The following USP49 variants were observed in gnomAD, a reference collection of about 807,000 sequenced individuals.
USP49 encodes the protein ubiquitin carboxyl-terminal hydrolase 49.
In USP49, 24 loss-of-function variants were observed where a neutral mutation model predicts 58.6. That is an observed-to-expected ratio of 0.41 (90% CI 0.30 to 0.58). USP49 has a LOEUF of 0.58. USP49 is among the 20% of genes least tolerant of loss of function. The pLI is 0.30. For missense variants in USP49, 703 were observed against 866.1 expected (o/e 0.81, Z 2.36); for synonymous variants, 408 against 365.1 (o/e 1.12, Z -1.34).
intron 3 of USP49, among the ~76,000 whole-genome samples, chr6:41,863,087 AAT>A (rs1336232437): frequency 6.6e-6 from 1 of 152,026 alleles, no homozygotes; most frequent in Admixed American, 6.6e-5. Flanking sequence ...TCTCACACTT[AAT>A]ATTTAAATAT....
intron 2 of USP49, among the ~76,000 whole-genome samples, chr6:41,889,303 G>T (rs1288751329): frequency 1.3e-5 from 2 of 152,128 alleles, no homozygotes; most frequent in Non-Finnish European, 2.9e-5. Context: ...AATGTGCTAG[G>T]ATTACAGGTA....
At chr6:41,856,587 T>G (rs1429110750) in intron 3 of USP49, among the ~76,000 whole-genome samples, 1 of 152,070 alleles carries the variant, frequency 6.6e-6, no homozygotes, top group Non-Finnish European at 1.5e-5. Context: ...CTCAGAGAAA[T>G]CACAGAGGCA....
chr6:41,791,356 C>T lies in USP49; in HGVS notation c.*5177G>A, dbSNP rs2127312281. The T allele has an allele frequency of 6.6e-6, 1 of 152,322 alleles. No homozygotes were observed. The highest frequency in any genetic ancestry group is 1.9e-4 in the East Asian group (1 of 5,184). The allele number at this position is 152,322 out of a possible 1,614,324, so 9.4% of individuals were successfully genotyped here. A position where few individuals can be genotyped will look rare whatever the true frequency, so the allele number is the denominator to read the frequency against. On this transcript the variant is annotated 3_prime_UTR_variant, in exon 8 of 8. Coordinates refer to ENST00000682992, the MANE Select transcript of USP49 (RefSeq NM_001286554.2). The stretch of plus-strand genomic sequence containing the variant: ...GAGCTCCTGGCCTCAAGCAATCCTC[C>T]CACCTTGGCCTCCCAAAGTGTTGGG...
At chr6:41,799,721 GA>G in intron 6 of USP49, 108 bp downstream of exon 6, 1 of 944,908 alleles carries the variant, frequency 1.1e-6, no homozygotes, top group Non-Finnish European at 1.7e-6. Flanking sequence ...GGTCTCAAGT[GA>G]ACAGGCTTCC....
At chr6:41,891,136 T>C (rs1170996455) in intron 2 of USP49, among the ~76,000 whole-genome samples, 1 of 152,196 alleles carries the variant, frequency 6.6e-6, no homozygotes, top group Non-Finnish European at 1.5e-5. Flanking sequence ...CAAACAAGAC[T>C]TGTTAAGTGT....
chr6:41,887,323 A>C (rs1396138137), intron 2 of USP49: 6 of 152,238 alleles, frequency 3.9e-5, no homozygotes, highest in Non-Finnish European at 7.3e-5. Flanking sequence ...CCAGCAAAAG[A>C]AGCACTGCTG....
chr6:41,863,310 T>A (rs1216606528), intron 3 of USP49, among the ~76,000 whole-genome samples: 1 of 152,164 alleles, frequency 6.6e-6, no homozygotes, highest in African/African-American at 2.4e-5. Context: ...CATTTAAGAG[T>A]ATGAATTCAA....
intron 3 of USP49, among the ~76,000 whole-genome samples, chr6:41,826,209 G>A (rs1264598037): frequency 6.6e-6 from 1 of 152,178 alleles, no homozygotes; most frequent in African/African-American, 2.4e-5. Context: ...AGAGGCTGCA[G>A]TGAGCTGAGA....
intron 3 of USP49, among the ~76,000 whole-genome samples, chr6:41,833,425 C>A (rs1037553066): frequency 1.3e-5 from 2 of 152,110 alleles, no homozygotes; most frequent in South Asian, 2.1e-4. Flanking sequence ...TCAAATATTT[C>A]TTTTATTCTT....
Position 41,806,288 on chromosome 6 carries a change from T to TGAGGTAGGGAGGGCGGCGGGGCGC in USP49, c.672_695dup (p.Pro226_Arg233dup), listed in dbSNP as rs1300727978. ...TGAGTGTGGCGGCGGGCACTCTGCG[T>TGAGGTAGGGAGGGCGGCGGGGCGC]GAGGTAGGGAGGGCGGCGGGGCGCG... On this transcript the variant is annotated inframe_insertion, in exon 4 of 8. Coordinates refer to ENST00000682992, the MANE Select transcript of USP49 (RefSeq NM_001286554.2). This position sits in a 1 kb window ranked among gnomAD's most constrained non-coding sequence, Gnocchi z 5.9. 12 of 1,599,998 alleles carry TGAGGTAGGGAGGGCGGCGGGGCGC rather than the reference T, an allele frequency of 7.5e-6. No homozygotes were observed. Among genetic ancestry groups the TGAGGTAGGGAGGGCGGCGGGGCGC allele is most frequent in the Non-Finnish European group, 9.3e-6 (11 of 1,177,798 alleles).
Position 41,798,762 on chromosome 6 carries a change from G to A in USP49, c.1838C>T (p.Ser613Leu). The A allele has an allele frequency of 6.2e-7, 1 of 1,614,054 alleles. No individual in the cohort carries two copies. Among genetic ancestry groups the A allele is most frequent in the Non-Finnish European group, 8.5e-7 (1 of 1,180,012 alleles). ...VVMHHGKGFG[S>L]GHYTAYCYNT... The stretch of plus-strand genomic sequence containing the variant: ...GTAGCAATAGGCTGTGTAGTGTCCT[G>A]AGCCAAACCCTTTCCCGTGATGCAT... Residue 613 changes from serine to leucine, a missense_variant, in exon 7 of 8, where the codon TCA (serine) becomes TTA (leucine). Ser to Leu is a moderately radical substitution (Grantham distance 145). This residue lies in a region of USP49 where 158 missense variants were observed against 241.2 expected (regional missense o/e 0.66). Coordinates refer to ENST00000682992, the MANE Select transcript of USP49 (RefSeq NM_001286554.2).
At chr6:41,817,958 A>C (rs960980400) in intron 3 of USP49, among the ~76,000 whole-genome samples, 2 of 152,176 alleles carry the variant, frequency 1.3e-5, no homozygotes, top group Admixed American at 6.5e-5. Flanking sequence ...ATTTTCACAT[A>C]ATAATATCTG....
At chr6:41,882,084 CAG>C in intron 2 of USP49, among the ~76,000 whole-genome samples, 1 of 148,596 alleles carries the variant, frequency 6.7e-6, no homozygotes, top group Non-Finnish European at 1.5e-5. Flanking sequence ...AAAGCAAAGA[CAG>C]GGAATCCATC....
chr6:41,838,861 GA>G lies in USP49; in HGVS notation c.-28-31851del, dbSNP rs146248444. Among the ~76,000 whole-genome samples, 27 of 152,202 alleles carry G rather than the reference GA, an allele frequency of 1.8e-4. No homozygotes were observed. The East Asian group carries it at 4.6e-3, about 26-fold the overall frequency. ...CAAGTCTCAATAAATTTAGGAAAAT[GA>G]AAATTATATCAAGTATCCTCTCAGA... is the stretch of plus-strand genomic sequence containing the variant. On this transcript the variant is annotated intron_variant, in intron 3 of 7. Coordinates refer to ENST00000682992, the MANE Select transcript of USP49 (RefSeq NM_001286554.2).
At chr6:41,810,218 C>T (rs1473053055) in intron 3 of USP49, among the ~76,000 whole-genome samples, 2 of 151,806 alleles carry the variant, frequency 1.3e-5, no homozygotes, top group African/African-American at 2.4e-5. Context: ...CAGTGGCTCA[C>T]GCCTGTAATC....
intron 3 of USP49, among the ~76,000 whole-genome samples, chr6:41,850,880 C>A (rs1027506709): frequency 6.6e-6 from 1 of 151,888 alleles, no homozygotes; most frequent in South Asian, 2.1e-4. Flanking sequence ...GGATTACAGG[C>A]GTAAGCCACC....
At chr6:41,802,451 TATTTA>T (rs1276296730) in intron 5 of USP49, among the ~76,000 whole-genome samples, 4 of 88,428 alleles carry the variant, frequency 4.5e-5, no homozygotes, top group South Asian at 3.7e-4. Context: ...TTTATTTATT[TATTTA>T]TTTATTTATT....
At chr6:41,826,915 AC>A (rs1216243804) in intron 3 of USP49, among the ~76,000 whole-genome samples, 10 of 152,166 alleles carry the variant, frequency 6.6e-5, no homozygotes, top group Admixed American at 3.9e-4. Flanking sequence ...TCAGCTAAAG[AC>A]AGCAAGTCCC....
At chr6:41,870,186 A>T (rs1333316763) in intron 3 of USP49, among the ~76,000 whole-genome samples, 1 of 152,242 alleles carries the variant, frequency 6.6e-6, no homozygotes, top group African/African-American at 2.4e-5. Flanking sequence ...CATTCCAGAC[A>T]TTATTTCAAG....
Sources: allele counts gnomAD v4.1 joint callset (sites outside exome capture counted in the v4.1 genomes callset), GRCh38; gene constraint gnomAD v4.1.1; regional missense constraint gnomAD v4.1.1; non-coding constraint Gnocchi (gnomAD v3.1); transcripts MANE v1.5; gene names NCBI Gene and HGNC (gene_info 2026-07-23, HGNC 2026-07-21).